The following ODAD1 variants were observed in gnomAD, a reference collection of about 807,000 sequenced individuals.
ODAD1 encodes the protein outer dynein arm-docking complex subunit 1.
Under a neutral mutation model 67.2 loss-of-function variants are expected in ODAD1, and 49 were observed. The observed-to-expected ratio is 0.73, with a 90% CI of 0.58 to 0.92. The LOEUF is 0.92. Among genes scored for constraint, ODAD1 ranks in the 40% least tolerant of loss-of-function variants. ODAD1 has a pLI of 0.00. For missense variants in ODAD1, 897 were observed against 953.7 expected (o/e 0.94, Z 0.78); for synonymous variants, 345 against 393.7 (o/e 0.88, Z 1.46).
chr19:48,314,407 AT>A (rs1212943891), intron 5 of ODAD1, among the ~76,000 whole-genome samples: 5 of 152,212 alleles, frequency 3.3e-5, no homozygotes, highest in Non-Finnish European at 7.3e-5. Flanking sequence ...GAACTTTGTC[AT>A]AGCAGCCCTA....
intron 5 of ODAD1, among the ~76,000 whole-genome samples, chr19:48,315,866 C>T (rs1178630896): frequency 6.6e-6 from 1 of 152,114 alleles, no homozygotes; most frequent in African/African-American, 2.4e-5. Flanking sequence ...ATTCATGAGT[C>T]ACATTCCATT....
chr19:48,302,826 C>T lies in ODAD1; in HGVS notation c.1108G>A (p.Asp370Asn). 1 of 1,614,076 alleles carries T rather than the reference C, an allele frequency of 6.2e-7. No homozygotes were observed. The highest frequency in any genetic ancestry group is 8.5e-7 in the Non-Finnish European group (1 of 1,180,002). The change falls in exon 12 of 16, where the codon GAT (aspartate) becomes AAT (asparagine). Residue 370 changes from aspartate to asparagine, a missense_variant. Physicochemically the swap from Asp to Asn is conservative, Grantham distance 23. Transcript: ENST00000674294. ...EALVSARASKDDQHLLQEQQQ... is the reference protein window; with the variant it reads ...EALVSARASKNDQHLLQEQQQ... ...TGCTCCTGCAGCAAATGCTGGTCAT[C>T]CTTGCTGGCACGTGCGCTCACCAAA...
chr19:48,303,401 G>A, intron 10 of ODAD1: 1 of 604,910 alleles, frequency 1.7e-6, no homozygotes, highest in Non-Finnish European at 2.9e-6. Flanking sequence ...GAGAAACAGA[G>A]AGGGACAGGG....
chr19:48,306,758 A>G (rs2147321523), intron 7 of ODAD1, among the ~76,000 whole-genome samples: 1 of 152,346 alleles, frequency 6.6e-6, no homozygotes, highest in African/African-American at 2.4e-5. Context: ...TTTAAAAATA[A>G]TAATAGGGCC....
chr19:48,318,446 C>G lies in ODAD1; in HGVS notation c.301G>C (p.Ala101Pro). ...TCCTCGATCTCCGCCTGCACCTGGGCCCGGCCCTTCAGCAGGCGGTCCATG... is the reference window on the plus strand; with the variant it reads ...TCCTCGATCTCCGCCTGCACCTGGGGCCGGCCCTTCAGCAGGCGGTCCATG... The part of the protein sequence containing the change: ...ENMDRLLKGR[A>P]QVQAEIEELQ... The change falls in exon 5 of 16, where the codon GCC (alanine) becomes CCC (proline). Residue 101 changes from alanine to proline, a missense_variant. Ala to Pro is a conservative substitution (Grantham distance 27). Transcript: ENST00000674294. The G allele has an allele frequency of 4.5e-6, 7 of 1,551,652 alleles. No individual in the cohort carries two copies. Among genetic ancestry groups the G allele is most frequent in the Non-Finnish European group, 5.2e-6 (6 of 1,146,968 alleles).
intron 12 of ODAD1, among the ~76,000 whole-genome samples, chr19:48,302,439 T>G (rs879788191): frequency 1.3e-5 from 2 of 151,366 alleles, no homozygotes; most frequent in Non-Finnish European, 2.9e-5. Context: ...GGATCAACCC[T>G]AGATGGATGG....
rs535874962 is a variant in ODAD1 at position 48,304,456 on chromosome 19, T to C, written c.666-316A>G. Among the ~76,000 whole-genome samples, 24 of 152,178 alleles carry C rather than the reference T, an allele frequency of 1.6e-4. No homozygotes were observed. The South Asian group carries it at 5.0e-3, about 32-fold the overall frequency. On this transcript the variant is annotated intron_variant, in intron 8 of 15. Transcript: ENST00000674294. ...CAACATGGTGAAACTCCATCTCTAC[T>C]AAAAATACAAAAATTAGCCAGACCT... is the stretch of plus-strand genomic sequence containing the variant.
intron 8 of ODAD1, 111 bp downstream of exon 8, chr19:48,306,145 A>G: frequency 6.9e-7 from 1 of 1,458,886 alleles, no homozygotes; most frequent in Non-Finnish European, 9.1e-7. Context: ...TGGGAGAAAA[A>G]ATAGGTTCTG....
chr19:48,304,133 C>T lies in ODAD1; in HGVS notation c.673G>A (p.Ala225Thr), dbSNP rs1236413927. Residue 225 changes from alanine to threonine, a missense_variant, in exon 9 of 16, where the codon GCG (alanine) becomes ACG (threonine). Ala to Thr is a moderately conservative substitution (Grantham distance 58). Coordinates refer to ENST00000674294, the MANE Select transcript of ODAD1 (RefSeq NM_001364171.2). The part of the protein sequence containing the change: ...STSAYAVREE[A>T]KAKMGLLRER... ...CGCAGCAAGCCCATCTTGGCCTTCG[C>T]CTCCTCCCTGCGGGGGTCAGCCGGG... 1 of 1,607,424 alleles carries T rather than the reference C, an allele frequency of 6.2e-7. No individual in the cohort carries two copies. Among genetic ancestry groups the T allele is most frequent in the Admixed American group, 1.7e-5 (1 of 59,898 alleles).
At position 48,297,602 on chromosome 19, in the gene ODAD1, T is replaced by C. The variant is rs752703339; in HGVS notation, c.1569A>G (p.Gln523=). The C allele has an allele frequency of 1.3e-5, 20 of 1,544,866 alleles. No individual in the cohort carries two copies. In the South Asian group the frequency reaches 1.9e-4, roughly 15 times the overall value. ...GCCCCACTCTCACCAGCTTCTCCAC[T>C]TGGCTCAGCAGCTCCTCCCTGCTCA... is the stretch of plus-strand genomic sequence containing the variant. ...YPMSREELLS[Q]VEKLVELQEQ... is the part of the protein sequence containing the mutation. Residue 523 remains glutamine, a synonymous_variant, in exon 15 of 16, where the codon CAA becomes CAG. Transcript: ENST00000674294.
chr19:48,307,176 C>G (rs189761786), intron 7 of ODAD1, among the ~76,000 whole-genome samples: 1 of 149,528 alleles, frequency 6.7e-6, no homozygotes, highest in Non-Finnish European at 1.5e-5. Flanking sequence ...AAGAGTGAGA[C>G]TCCATCTCAA....
Position 48,303,046 on chromosome 19 carries a change from C to T in ODAD1, c.1038G>A (p.Leu346=), listed in dbSNP as rs770763751. The T allele has an allele frequency of 6.2e-7, 1 of 1,614,128 alleles. No homozygotes were observed. Among genetic ancestry groups the T allele is most frequent in the Non-Finnish European group, 8.5e-7 (1 of 1,180,020 alleles). The part of the protein sequence containing the change: ...AEFNFINEQN[L]ELEHVQEEIK... ...TCTCTTCCTGCACATGCTCCAGCTCCAAGTTCTGCTCGTTGATGAAGTTGA... is the reference window on the plus strand; with the variant it reads ...TCTCTTCCTGCACATGCTCCAGCTCTAAGTTCTGCTCGTTGATGAAGTTGA... Residue 346 remains leucine (L), a synonymous_variant, in exon 11 of 16, where the codon TTG becomes TTA. Coordinates refer to ENST00000674294, the MANE Select transcript of ODAD1 (RefSeq NM_001364171.2).
In ODAD1 at chr19:48,297,396, G is replaced by T. The variant is rs780058181; in HGVS notation, c.1704C>A (p.Val568=). ...CATGGGGGTGCCTGGTGGGCACCAGGACGGTACTGGAGCCGGCCCTCTGGG... is the reference window on the plus strand; with the variant it reads ...CATGGGGGTGCCTGGTGGGCACCAGTACGGTACTGGAGCCGGCCCTCTGGG... ...ASTQRAGSST[V]LVPTRHPHAI... is the part of the protein sequence containing the mutation. The change falls in exon 16 of 16, where the codon GTC becomes GTA. Residue 568 remains valine, a synonymous_variant. Transcript: ENST00000674294. 4 of 1,606,552 alleles carry T rather than the reference G, an allele frequency of 2.5e-6. No individual in the cohort carries two copies. In the South Asian group the frequency reaches 4.4e-5, roughly 18 times the overall value.
At chr19:48,309,672 C>T (rs139619086) in intron 7 of ODAD1, among the ~76,000 whole-genome samples, 14 of 152,158 alleles carry the variant, frequency 9.2e-5, no homozygotes, top group South Asian at 2.1e-4. Context: ...AGAAAAGTGA[C>T]GCCGTAAATA....
At chr19:48,298,139 A>C in intron 13 of ODAD1, 38 bp downstream of exon 13, 1 of 1,611,912 alleles carries the variant, frequency 6.2e-7, no homozygotes, top group South Asian at 1.1e-5. Context: ...GCCACCCCCG[A>C]GACCGGCCTC....
chr19:48,313,388 C>CT (rs1968815529), intron 5 of ODAD1, among the ~76,000 whole-genome samples: 1 of 138,280 alleles, frequency 7.2e-6, no homozygotes, highest in Non-Finnish European at 1.5e-5. Context: ...GATTGTGCCA[C>CT]TGCACTCCAG....
At chr19:48,306,470 A>C in intron 7 of ODAD1, 147 bp from the exon 8 acceptor site, 1 of 631,714 alleles carries the variant, frequency 1.6e-6, no homozygotes, top group South Asian at 2.0e-5. Flanking sequence ...CTGCCCATGA[A>C]AGGGATTTTA....
At chr19:48,315,449 C>CAGA (rs772005278) in intron 5 of ODAD1, among the ~76,000 whole-genome samples, 5 of 152,120 alleles carry the variant, frequency 3.3e-5, no homozygotes, top group Non-Finnish European at 5.9e-5. Context: ...GAGGCTGAGG[C>CAGA]AGAAGAGTTG....
chr19:48,319,382 C>T, intron 3 of ODAD1: 3 of 972,388 alleles, frequency 3.1e-6, no homozygotes, highest in Non-Finnish European at 2.4e-6. Context: ...AGGACAAAGT[C>T]TCAGCACCTC....
Sources: allele counts gnomAD v4.1 joint callset (sites outside exome capture counted in the v4.1 genomes callset), GRCh38; gene constraint gnomAD v4.1.1; transcripts MANE v1.5; gene names NCBI Gene and HGNC (gene_info 2026-07-23, HGNC 2026-07-21).